SH3KBP1: variants seen among roughly 807,000 people sequenced by gnomAD.
SH3KBP1 encodes SH3 domain-containing kinase-binding protein 1.
Under a neutral mutation model 50.1 loss-of-function variants are expected in SH3KBP1, and 8 were observed. That is an observed-to-expected ratio of 0.16 (90% CI 0.09 to 0.29). The LOEUF is 0.29. SH3KBP1 is among the 10% of genes least tolerant of loss of function. The pLI, the probability that SH3KBP1 is intolerant of heterozygous loss-of-function variation, is 1.00. For synonymous variants in SH3KBP1, 227 were observed against 218.6 expected (o/e 1.04, Z -0.34); for missense variants, 377 against 535.2 (o/e 0.70, Z 2.92).
rs2068713085 is a variant in SH3KBP1, at chrX:19,858,686, A to G, written c.5-22404T>C. On this transcript the variant is annotated intron_variant, in intron 1 of 17. Transcript: ENST00000397821. ...CAACAATTTATCTCAGTCAAGATCA[A>G]AAGTTCTCCATGATTTGTTATATAT... 4.4e-5 allele frequency among the ~76,000 whole-genome samples: 5 copies of G among 112,479 alleles called. No homozygotes were observed. In the South Asian group the frequency reaches 1.8e-3, roughly 41 times the overall value.
intron 6 of SH3KBP1, among the ~76,000 whole-genome samples, chrX:19,647,667 G>T (rs1187515783): frequency 1.8e-5 from 2 of 111,518 alleles, no homozygotes; most frequent in Non-Finnish European, 3.8e-5. Flanking sequence ...ATAGTTAAAA[G>T]TCTAGAATAT....
chrX:19,824,542 G>C (rs1438019241), intron 2 of SH3KBP1, among the ~76,000 whole-genome samples: 2 of 111,627 alleles, frequency 1.8e-5, no homozygotes, highest in East Asian at 5.6e-4. Context: ...CACTGACATG[G>C]AGTCGCTGTG....
intron 2 of SH3KBP1, among the ~76,000 whole-genome samples, chrX:19,822,192 T>A (rs1319908214): frequency 8.9e-6 from 1 of 112,449 alleles, no homozygotes; most frequent in African/African-American, 3.2e-5. Context: ...GCTTCTGAAT[T>A]CTGAAGATTT....
At chrX:19,813,055 A>T (rs985217996) in intron 2 of SH3KBP1, among the ~76,000 whole-genome samples, 1 of 109,956 alleles carries the variant, frequency 9.1e-6, no homozygotes, top group African/African-American at 3.3e-5. Flanking sequence ...AGGTGGGAGG[A>T]TCACTTGAGC....
At position 19,639,550 on chromosome X, in the gene SH3KBP1, G is replaced by A. The variant is rs764341085; in HGVS notation, c.802+5850C>T. ...TTCTCAAGAGGACTGTATTTGAAAT[G>A]CAGATCTTAAGCCACACGGGTAGGC... On this transcript the variant is annotated intron_variant, in intron 7 of 17. Coordinates refer to ENST00000397821, the MANE Select transcript of SH3KBP1 (RefSeq NM_031892.3). Among the ~76,000 whole-genome samples, 17 of 111,239 alleles carry A rather than the reference G, an allele frequency of 1.5e-4. No homozygotes were observed. The South Asian group carries it at 6.6e-3, about 43-fold the overall frequency.
chrX:19,581,887 G>A (rs1165755122), intron 12 of SH3KBP1, among the ~76,000 whole-genome samples: 14 of 104,836 alleles, frequency 1.3e-4, no homozygotes, highest in Admixed American at 9.3e-4. Flanking sequence ...ATTCCACTGC[G>A]TGCTGCCCCT....
intron 7 of SH3KBP1, among the ~76,000 whole-genome samples, chrX:19,637,487 T>C (rs1463720911): frequency 8.9e-6 from 1 of 111,756 alleles, no homozygotes; most frequent in African/African-American, 3.3e-5. Flanking sequence ...CGGCTTAAAG[T>C]GTCAGAGTAT....
intron 2 of SH3KBP1, among the ~76,000 whole-genome samples, chrX:19,778,040 C>G (rs2066036215): frequency 9.0e-6 from 1 of 111,511 alleles, no homozygotes; most frequent in Non-Finnish European, 1.9e-5. Context: ...ATATCCTACT[C>G]CTCCAGGAAG....
chrX:19,636,322 G>T (rs2061701980), intron 7 of SH3KBP1, among the ~76,000 whole-genome samples: 1 of 108,641 alleles, frequency 9.2e-6, no homozygotes. Flanking sequence ...AAAAAGCAAT[G>T]ACTCTTTCCA....
chrX:19,840,196 C>G (rs2068183316), intron 1 of SH3KBP1, among the ~76,000 whole-genome samples: 2 of 111,775 alleles, frequency 1.8e-5, no homozygotes, highest in South Asian at 7.5e-4. Context: ...AGGGCTCTTT[C>G]CAGTGCCCTC....
chrX:19,665,282 A>C (rs1602912561), intron 6 of SH3KBP1, among the ~76,000 whole-genome samples: 1 of 112,252 alleles, frequency 8.9e-6, no homozygotes, highest in African/African-American at 3.2e-5. Flanking sequence ...TTAAATGACA[A>C]AACAGAAATA....
chrX:19,803,747 C>G (rs1304650235), intron 2 of SH3KBP1, among the ~76,000 whole-genome samples: 1 of 110,458 alleles, frequency 9.1e-6, no homozygotes, highest in African/African-American at 3.3e-5. Context: ...TCTCAGTTAT[C>G]AAAAAAAATA....
At chrX:19,675,443 C>A (rs944596655) in intron 6 of SH3KBP1, among the ~76,000 whole-genome samples, 3 of 107,878 alleles carry the variant, frequency 2.8e-5, no homozygotes, top group Non-Finnish European at 5.8e-5. Context: ...CTCGCTCTGT[C>A]GCCCAGGCTG....
At chrX:19,886,489 C>T (rs1356782435) in intron 1 of SH3KBP1, among the ~76,000 whole-genome samples, 1 of 111,860 alleles carries the variant, frequency 8.9e-6, no homozygotes, top group Admixed American at 9.4e-5. Flanking sequence ...CTCTGGGCAG[C>T]AAGGTGGTTC....
intron 8 of SH3KBP1, among the ~76,000 whole-genome samples, chrX:19,616,079 A>C (rs1311050233): frequency 9.0e-6 from 1 of 111,072 alleles, no homozygotes; most frequent in Non-Finnish European, 1.9e-5. Flanking sequence ...CCTTCCACTC[A>C]GTCTCTCGAG....
intron 7 of SH3KBP1, among the ~76,000 whole-genome samples, chrX:19,635,436 G>A (rs1158992103): frequency 9.2e-6 from 1 of 108,873 alleles, no homozygotes; most frequent in African/African-American, 3.4e-5. Flanking sequence ...GGGGATGAGG[G>A]GAGGGAACTT....
chrX:19,724,589 A>T (rs1354637841), intron 3 of SH3KBP1, among the ~76,000 whole-genome samples: 1 of 112,521 alleles, frequency 8.9e-6, no homozygotes, highest in Non-Finnish European at 1.9e-5. Flanking sequence ...AAACAACCAT[A>T]GACCACACAT....
At chrX:19,736,004 G>A (rs56662297) in intron 3 of SH3KBP1, among the ~76,000 whole-genome samples, 1,832 of 111,659 alleles carry the variant, frequency 0.016, 36 homozygotes, top group African/African-American at 0.056. Flanking sequence ...AATTATAGGC[G>A]TGAGCCACCG....
chrX:19,750,126 C>T (rs757473706), intron 2 of SH3KBP1, among the ~76,000 whole-genome samples: 150 of 111,314 alleles, frequency 1.3e-3, no homozygotes, highest in Non-Finnish European at 2.5e-3. Context: ...ATGGCGTGAT[C>T]TCAGTTCACT....
Sources: allele counts gnomAD v4.1 joint callset (sites outside exome capture counted in the v4.1 genomes callset), GRCh38; gene constraint gnomAD v4.1.1; transcripts MANE v1.5; gene names NCBI Gene and HGNC (gene_info 2026-07-23, HGNC 2026-07-21).